Variants in TRMT1L observed in about 807,000 individuals in gnomAD.
TRMT1L encodes the protein tRNA (guanine(27)-N(2))-dimethyltransferase.
A neutral mutation model predicts 81.6 loss-of-function variants in TRMT1L; 28 were observed. The ratio of observed to expected loss-of-function variants is 0.34; its 90% CI spans 0.25 to 0.47. The LOEUF is 0.47. TRMT1L is among the 20% of genes least tolerant of loss of function. The probability of loss-of-function intolerance (pLI) is 1.00; values close to 1 mark genes in which losing one functional copy is unlikely to be tolerated. For missense variants in TRMT1L, 739 were observed against 877.1 expected, an observed-to-expected ratio of 0.84 and a Z score of 1.99; for synonymous variants, 301 against 303.2, an observed-to-expected ratio of 0.99 and a Z score of 0.07.
chr1:185,129,686 A>G (rs1420641741), intron 10 of TRMT1L, among the ~76,000 whole-genome samples: 1 of 152,246 alleles, frequency 6.6e-6, no homozygotes, highest in Non-Finnish European at 1.5e-5. Context: ...GCTAGCTGAT[A>G]CTATCACTCT....
rs559938443 is a variant in TRMT1L, at chr1:185,134,995, G to C, written c.1513+2611C>G. Among the ~76,000 whole-genome samples the C allele has an allele frequency of 1.6e-4, 25 of 152,184 alleles. No individual in the cohort carries two copies. The South Asian group carries it at 5.0e-3, about 30-fold the overall frequency. The stretch of plus-strand genomic sequence containing the variant: ...GGTATAACAAACAAAAATTAGGAAG[G>C]GAAAAATGGAAAACAGGGAGCTAAT... On this transcript the variant is annotated intron_variant, in intron 10 of 14. Coordinates refer to ENST00000367506, the MANE Select transcript of TRMT1L (RefSeq NM_030934.5).
chr1:185,150,442 T>C lies in TRMT1L; in HGVS notation c.397A>G (p.Asn133Asp). 6.2e-7 allele frequency: 1 copy of C among 1,613,792 alleles called. No individual in the cohort carries two copies. Among genetic ancestry groups the C allele is most frequent in the African/African-American group, 1.3e-5 (1 of 75,046 alleles). The change falls in exon 3 of 15, where the codon AAT becomes GAT. Residue 133 changes from asparagine to aspartate, a missense_variant. Around this residue, in one of 4 missense-constraint regions of TRMT1L, gnomAD observed 209 missense variants for 165.4 expected, o/e 1.26. Coordinates refer to ENST00000367506, the MANE Select transcript of TRMT1L (RefSeq NM_030934.5). ...LCPKEKFRAC[N>D]SHKLRRHLQN... ...AGGTGACGACGAAGCTTATGGCTAT[T>C]ACAAGCTCTGAATTTTTCCTTAGGG...
chr1:185,156,834 C>A lies in TRMT1L; in HGVS notation c.-122G>T. ...GGAGTGGGGAAGCAAGTGGGGAGGG[C>A]GGGATGCGTGCAACAGACAAAAGAT... On this transcript the variant is annotated 5_prime_UTR_variant, in exon 1 of 15. Coordinates refer to ENST00000367506, the MANE Select transcript of TRMT1L (RefSeq NM_030934.5). The A allele has an allele frequency of 7.5e-7, 1 of 1,339,758 alleles. No individual in the cohort carries two copies. The highest frequency in any genetic ancestry group is 1.0e-6 in the Non-Finnish European group (1 of 992,690). 83.0% of individuals were successfully genotyped at this position (1,339,758 alleles called of 1,614,324 possible).
At chr1:185,141,063 A>C (rs139046639) in intron 7 of TRMT1L, among the ~76,000 whole-genome samples, 119 of 152,174 alleles carry the variant, frequency 7.8e-4, no homozygotes, top group African/African-American at 2.8e-3. Context: ...CAGTTTTTCC[A>C]TATCTACTAG....
At chr1:185,144,367 A>G (rs562675595) in intron 5 of TRMT1L, among the ~76,000 whole-genome samples, 1 of 151,982 alleles carries the variant, frequency 6.6e-6, no homozygotes, top group Non-Finnish European at 1.5e-5. Flanking sequence ...AAATCCTAAA[A>G]TACCTTTGTG....
intron 2 of TRMT1L, 99 bp downstream of exon 2, chr1:185,151,723 TAAG>T (rs1653355152): frequency 1.4e-6 from 1 of 722,338 alleles, no homozygotes; most frequent in African/African-American, 1.9e-5. Flanking sequence ...TCTAGTTCAG[TAAG>T]AATAAACAAG....
intron 13 of TRMT1L, among the ~76,000 whole-genome samples, chr1:185,122,394 T>G (rs1166124349): frequency 6.6e-6 from 1 of 152,178 alleles, no homozygotes; most frequent in East Asian, 1.9e-4. Flanking sequence ...ATTTCCTTAA[T>G]TTACTTATGA....
chr1:185,151,819 A>T lies in TRMT1L; in HGVS notation c.346+6T>A, dbSNP rs1160399237. On this transcript the variant is annotated splice_donor_region_variant and intron_variant, in intron 2 of 14. Transcript: ENST00000367506. ...AGAAAAAAAAAAAACCCAAACATGG[A>T]AATACCTGCATCAAGATTATCTGAG... is the stretch of plus-strand genomic sequence containing the variant. The T allele has an allele frequency of 1.2e-5, 18 of 1,542,548 alleles. No homozygotes were observed. The highest frequency in any genetic ancestry group is 1.6e-5 in the Non-Finnish European group (18 of 1,148,484).
chr1:185,144,745 ATCTT>A (rs1653141609), intron 5 of TRMT1L, among the ~76,000 whole-genome samples: 1 of 151,806 alleles, frequency 6.6e-6, no homozygotes, highest in African/African-American at 2.4e-5. Context: ...TGGCAACTGT[ATCTT>A]TCTTTCTAAA....
intron 3 of TRMT1L, among the ~76,000 whole-genome samples, chr1:185,147,568 C>G (rs908935979): frequency 6.6e-6 from 1 of 152,088 alleles, no homozygotes; most frequent in East Asian, 1.9e-4. Flanking sequence ...TCTCTGCCAC[C>G]TTGACTTTTT....
rs762965397 is a variant in TRMT1L, at chr1:185,143,470, C to T, written c.780-34G>A. ...AAATCATAATCTGAAATAACTTTAC[C>T]ATGGCTTCACCATCATAGATTTTAT... On this transcript the variant is annotated intron_variant, in intron 6 of 14. Transcript: ENST00000367506. 4 of 1,556,950 alleles carry T rather than the reference C, an allele frequency of 2.6e-6. No individual in the cohort carries two copies. The African/African-American group carries it at 4.1e-5, about 16-fold the overall frequency.
intron 2 of TRMT1L, among the ~76,000 whole-genome samples, chr1:185,151,543 C>T (rs1380394815): frequency 1.3e-5 from 2 of 152,086 alleles, no homozygotes; most frequent in Non-Finnish European, 2.9e-5. Context: ...TTTTTTGGGA[C>T]CTCTGTTACT....
intron 3 of TRMT1L, among the ~76,000 whole-genome samples, chr1:185,149,514 G>T (rs867886294): frequency 2.0e-5 from 3 of 151,766 alleles, no homozygotes; most frequent in African/African-American, 7.3e-5. Flanking sequence ...ATGTTGCTCA[G>T]GCTGGTCTTG....
chr1:185,155,786 T>C (rs1653512245), intron 1 of TRMT1L, among the ~76,000 whole-genome samples: 1 of 152,196 alleles, frequency 6.6e-6, no homozygotes, highest in African/African-American at 2.4e-5. Flanking sequence ...TTAGAAAACA[T>C]GCAGGCACAT....
intron 10 of TRMT1L, 53 bp downstream of exon 10, chr1:185,137,553 A>G (rs1571349326): frequency 6.6e-7 from 1 of 1,522,302 alleles, no homozygotes; most frequent in East Asian, 2.3e-5. Context: ...TATGTGATAA[A>G]GGCTTATTCA....
intron 7 of TRMT1L, among the ~76,000 whole-genome samples, chr1:185,142,119 C>G (rs528631298): frequency 6.6e-6 from 1 of 152,070 alleles, no homozygotes; most frequent in Non-Finnish European, 1.5e-5. Flanking sequence ...CAAATCCAAG[C>G]GACTTGGGAA....
intron 11 of TRMT1L, 119 bp from the exon 12 acceptor site, chr1:185,125,229 TAAATTC>T: frequency 1.7e-6 from 1 of 582,554 alleles, no homozygotes; most frequent in African/African-American, 1.9e-5. Context: ...GAGTAATACT[TAAATTC>T]AAAAAGAATT....
intron 10 of TRMT1L, among the ~76,000 whole-genome samples, chr1:185,131,107 C>G (rs1012468679): frequency 6.6e-6 from 1 of 152,054 alleles, no homozygotes. Context: ...TCACGCCATT[C>G]TCCTGCCTCA....
chr1:185,120,754 T>A (rs1054604319), intron 13 of TRMT1L: 9 of 274,564 alleles, frequency 3.3e-5, no homozygotes, highest in Middle Eastern at 1.1e-3. Context: ...TCGTCTCCTG[T>A]AGGAAGCCAT....
Sources: allele counts gnomAD v4.1 joint callset (sites outside exome capture counted in the v4.1 genomes callset), GRCh38; gene constraint gnomAD v4.1.1; regional missense constraint gnomAD v4.1.1; transcripts MANE v1.5; gene names NCBI Gene and HGNC (gene_info 2026-07-23, HGNC 2026-07-21).